FRMPD1: variants seen among roughly 807,000 people sequenced by gnomAD.
The protein encoded by FRMPD1 is FERM and PDZ domain-containing protein 1.
In FRMPD1, 76 loss-of-function variants were observed where a neutral mutation model predicts 117.8. That is an observed-to-expected ratio of 0.65 (90% CI 0.54 to 0.78). FRMPD1 has a LOEUF of 0.78. Among genes scored for constraint, FRMPD1 ranks in the 30% least tolerant of loss-of-function variants. The probability of loss-of-function intolerance (pLI) is 0.00; values close to 1 mark genes in which losing one functional copy is unlikely to be tolerated. For missense variants in FRMPD1, 1,786 were observed against 1,964.5 expected, an observed-to-expected ratio of 0.91 and a Z score of 1.72; for synonymous variants, 783 against 770.4, an observed-to-expected ratio of 1.02 and a Z score of -0.27.
rs570980873 is a variant in FRMPD1 at position 37,692,872 on chromosome 9, G to A, written c.101+130G>A. ...GCTTTGTTCTTACACCATATGGTGG[G>A]AGCAGTGTAAACAGGTCAGCAATTT... On this transcript the variant is annotated intron_variant, in intron 2 of 15. Transcript: ENST00000377765. 9.8e-6 allele frequency: 7 copies of A among 713,964 alleles called. No individual in the cohort carries two copies. In the Admixed American group the frequency reaches 1.3e-4, roughly 13 times the overall value. The allele number at this position is 713,964 out of a possible 1,614,324, so 44.2% of individuals were successfully genotyped here.
At chr9:37,661,152 G>T (rs1420205680) in intron 1 of FRMPD1, among the ~76,000 whole-genome samples, 8 of 152,202 alleles carry the variant, frequency 5.3e-5, no homozygotes, top group Non-Finnish European at 5.9e-5. Context: ...GCTGCCTGTT[G>T]TTCTGTGACA....
intron 6 of FRMPD1, 56 bp from the exon 7 acceptor site, chr9:37,724,169 G>A (rs1374249808): frequency 2.3e-6 from 2 of 888,112 alleles, no homozygotes; most frequent in Non-Finnish European, 3.8e-6. Flanking sequence ...GAGAGACCCT[G>A]TCTCCAGAAG....
intron 5 of FRMPD1, among the ~76,000 whole-genome samples, chr9:37,712,802 A>C (rs1368519634): frequency 1.3e-5 from 2 of 152,262 alleles, no homozygotes; most frequent in Non-Finnish European, 2.9e-5. Context: ...TTAATAAAAC[A>C]AACATAAAGC....
At chr9:37,734,315 T>C (rs531540010) in intron 12 of FRMPD1, among the ~76,000 whole-genome samples, 105 of 151,930 alleles carry the variant, frequency 6.9e-4, no homozygotes, top group Non-Finnish European at 1.3e-3. Flanking sequence ...AAGAGGAAAA[T>C]TGGAAATCAT....
chr9:37,693,048 G>A (rs956955665), intron 2 of FRMPD1: 3 of 395,790 alleles, frequency 7.6e-6, no homozygotes, highest in Admixed American at 7.7e-5. Context: ...ATACGCACAT[G>A]CATATACACT....
chr9:37,658,923 G>A (rs1351777594), intron 1 of FRMPD1, among the ~76,000 whole-genome samples: 2 of 152,094 alleles, frequency 1.3e-5, no homozygotes, highest in Non-Finnish European at 2.9e-5. Flanking sequence ...CTGGAGTGCA[G>A]TGGCATGATC....
intron 15 of FRMPD1, 53 bp from the exon 16 acceptor site, chr9:37,744,336 T>G (rs778523088): frequency 7.2e-6 from 10 of 1,387,820 alleles, no homozygotes; most frequent in Non-Finnish European, 9.9e-6. Flanking sequence ...CCAAGCTCTA[T>G]TAACCTCTTT....
At chr9:37,624,394 A>T in the FRMPD1 span, among the ~76,000 whole-genome samples, 2 of 152,238 alleles carry the variant, frequency 1.3e-5, no homozygotes, top group Admixed American at 6.5e-5. Context: ...GGGAGAGGGG[A>T]ACGGGAAGCA....
the FRMPD1 span, among the ~76,000 whole-genome samples, chr9:37,618,259 T>C: frequency 8.5e-4 from 129 of 152,322 alleles, no homozygotes; most frequent in Non-Finnish European, 1.5e-3. Context: ...TACTTTCAAA[T>C]TGAATCTTTA....
At chr9:37,606,342 C>T in the FRMPD1 span, among the ~76,000 whole-genome samples, 6 of 152,184 alleles carry the variant, frequency 3.9e-5, no homozygotes, top group African/African-American at 1.4e-4. Context: ...TTGTTGTAGA[C>T]TAGGGACTTA....
intron 12 of FRMPD1, 107 bp downstream of exon 12, chr9:37,733,932 C>A: frequency 1.4e-6 from 1 of 719,412 alleles, no homozygotes; most frequent in Non-Finnish European, 2.5e-6. Flanking sequence ...CTGTCATGTA[C>A]TAGAATTTGT....
the FRMPD1 span, among the ~76,000 whole-genome samples, chr9:37,619,400 G>T: frequency 6.6e-6 from 1 of 152,194 alleles, no homozygotes; most frequent in Non-Finnish European, 1.5e-5. Flanking sequence ...GAAGGGTAAA[G>T]AGGGTAGGAG....
At chr9:37,637,974 T>TTCTTTCTTTCTTTCCTTTCTTTC in the FRMPD1 span, among the ~76,000 whole-genome samples, 4 of 101,840 alleles carry the variant, frequency 3.9e-5, 1 homozygote, top group African/African-American at 1.5e-4. Flanking sequence ...CTTTCTTTCT[T>TTCTTTCTTTCTTTCCTTTCTTTC]TCTTTCTTTC....
chr9:37,706,948 A>G (rs1822727073), intron 2 of FRMPD1, among the ~76,000 whole-genome samples: 2 of 150,588 alleles, frequency 1.3e-5, no homozygotes, highest in Non-Finnish European at 3.0e-5. Context: ...CCATCCATCC[A>G]TCCATCCATC....
chr9:37,687,969 A>G lies in FRMPD1; in HGVS notation c.-4-4669A>G, dbSNP rs148890686. Reference sequence around the variant, plus strand: ...CATTCTATTTTTGTAGAAAAGATGTATTAATATACATGATATAGGTCTCTA... The same window carrying G: ...CATTCTATTTTTGTAGAAAAGATGTGTTAATATACATGATATAGGTCTCTA... On this transcript the variant is annotated intron_variant, in intron 1 of 15. Transcript: ENST00000377765. 6.9e-3 allele frequency among the ~76,000 whole-genome samples: 1,054 copies of G among 152,246 alleles called. 17 individuals are homozygous for G. The highest frequency in any genetic ancestry group is 0.024 in the African/African-American group (1,018 of 41,564).
At chr9:37,709,342 TATTA>T (rs1325094897) in intron 4 of FRMPD1, among the ~76,000 whole-genome samples, 2 of 129,438 alleles carry the variant, frequency 1.5e-5, no homozygotes, top group Admixed American at 8.7e-5. Context: ...TTTGGGGTGG[TATTA>T]ATTGTTTTTT....
chr9:37,639,750 T>C, the FRMPD1 span, among the ~76,000 whole-genome samples: 10 of 152,268 alleles, frequency 6.6e-5, no homozygotes, highest in African/African-American at 2.4e-4. Flanking sequence ...AGCTGGGAGC[T>C]TATGGGCTCA....
chr9:37,715,691 G>C (rs773802165), intron 5 of FRMPD1: 2 of 456,232 alleles, frequency 4.4e-6, no homozygotes, highest in Non-Finnish European at 8.8e-6. Flanking sequence ...GTGTAAGTAG[G>C]TGGTTTATAA....
chr9:37,733,945 G>A, intron 12 of FRMPD1, 120 bp downstream of exon 12: 1 of 687,756 alleles, frequency 1.5e-6, no homozygotes, highest in Non-Finnish European at 2.6e-6. Flanking sequence ...GAATTTGTCT[G>A]GTAAACTAAA....
Sources: allele counts gnomAD v4.1 joint callset (sites outside exome capture counted in the v4.1 genomes callset), GRCh38; gene constraint gnomAD v4.1.1; transcripts MANE v1.5; gene names NCBI Gene and HGNC (gene_info 2026-07-23, HGNC 2026-07-21).